NALCN: variants seen among roughly 807,000 people sequenced by gnomAD.
NALCN encodes the protein sodium leak channel, non-selective, also known as sodium leak channel NALCN.
Under a neutral mutation model 225.3 loss-of-function variants are expected in NALCN, and 111 were observed. The ratio of observed to expected loss-of-function variants is 0.49; its 90% confidence interval spans 0.42 to 0.58. The LOEUF (loss-of-function observed/expected upper bound fraction) is 0.58. Ranked by LOEUF, NALCN falls within the 20% of genes least tolerant of loss-of-function variation. The probability of loss-of-function intolerance (pLI) is 0.00; values close to 1 mark genes in which losing one functional copy is unlikely to be tolerated. For missense variants in NALCN, 1,378 were observed against 2,202.4 expected (o/e 0.63, Z 7.49); for synonymous variants, 764 against 769.0 (o/e 0.99, Z 0.11).
At position 101,335,314 on chromosome 13, in the gene NALCN, T is replaced by C. The variant is rs181183508; in HGVS notation, c.799+9952A>G. Among the ~76,000 whole-genome samples, 69 of 152,280 alleles carry C rather than the reference T, an allele frequency of 4.5e-4. 1 individual carries two copies. The East Asian group carries it at 0.011, about 25-fold the overall frequency. Reference sequence around the variant, plus strand: ...GAATATCTGGACACCTAATTTCAGTTTAAGTAAGTCTGTGGCCCTATTTGA... The same window carrying C: ...GAATATCTGGACACCTAATTTCAGTCTAAGTAAGTCTGTGGCCCTATTTGA... On this transcript the variant is annotated intron_variant, in intron 7 of 43. Transcript: ENST00000251127.
At chr13:101,306,542 G>A (rs2044159227) in intron 7 of NALCN, among the ~76,000 whole-genome samples, 1 of 152,162 alleles carries the variant, frequency 6.6e-6, no homozygotes, top group Non-Finnish European at 1.5e-5. Flanking sequence ...TCCTGATGCT[G>A]GCTTTGACTT....
intron 14 of NALCN, among the ~76,000 whole-genome samples, chr13:101,187,629 G>T (rs113306624): frequency 4.6e-5 from 7 of 152,276 alleles, no homozygotes; most frequent in African/African-American, 1.7e-4. Flanking sequence ...AGTAAGAGGT[G>T]CTCCCTTATT....
At chr13:101,065,949 T>G (rs623044) in intron 39 of NALCN, among the ~76,000 whole-genome samples, 7,238 of 152,210 alleles carry the variant, frequency 0.048, 548 homozygotes, top group African/African-American at 0.16. Flanking sequence ...TCACACAAGG[T>G]AATGGACAAG....
At chr13:101,285,577 T>C (rs1341310267) in intron 9 of NALCN, among the ~76,000 whole-genome samples, 1 of 152,186 alleles carries the variant, frequency 6.6e-6, no homozygotes, top group Non-Finnish European at 1.5e-5. Flanking sequence ...TATGTATTTT[T>C]AAATGACAAA....
chr13:101,243,566 C>T (rs540696350), intron 11 of NALCN, among the ~76,000 whole-genome samples: 1 of 104,774 alleles, frequency 9.5e-6, no homozygotes, highest in Admixed American at 9.1e-5. Flanking sequence ...ATGTAATTGT[C>T]GTTTGTCTTT....
At chr13:101,300,538 C>T (rs574215880) in intron 7 of NALCN, among the ~76,000 whole-genome samples, 9 of 152,138 alleles carry the variant, frequency 5.9e-5, no homozygotes, top group Non-Finnish European at 1.0e-4. Context: ...GCAGCCTTCA[C>T]CTCCTGGGTT....
At chr13:101,070,228 G>A (rs979135046) in intron 37 of NALCN, among the ~76,000 whole-genome samples, 2 of 151,992 alleles carry the variant, frequency 1.3e-5, no homozygotes, top group Non-Finnish European at 2.9e-5. Flanking sequence ...CACCATGCCC[G>A]GCTAATTTTT....
chr13:101,252,832 C>T (rs954555029), intron 11 of NALCN, among the ~76,000 whole-genome samples: 3 of 152,006 alleles, frequency 2.0e-5, no homozygotes, highest in East Asian at 1.9e-4. Context: ...TCTGTAGGTC[C>T]GTTGCCTTCC....
At chr13:101,181,340 G>T (rs986937909) in intron 14 of NALCN, 7 of 518,618 alleles carry the variant, frequency 1.3e-5, no homozygotes, top group African/African-American at 1.3e-4. Context: ...GAGGGAGGCT[G>T]GAATAATCAC....
chr13:101,318,976 A>G (rs2044651879), intron 7 of NALCN, among the ~76,000 whole-genome samples: 1 of 152,110 alleles, frequency 6.6e-6, no homozygotes, highest in Non-Finnish European at 1.5e-5. Context: ...ATAAACACCC[A>G]CCTGTGGGTA....
Position 101,095,665 on chromosome 13 carries a change from T to C in NALCN, c.3178A>G (p.Ile1060Val), listed in dbSNP as rs755977197. 2.5e-6 allele frequency: 4 copies of C among 1,612,292 alleles called. No individual in the cohort carries two copies. The African/African-American group carries it at 4.0e-5, about 16-fold the overall frequency. Reference protein sequence around the residue: ...NIIRREDCNGIFRINVSVSKN... With the variant: ...NIIRREDCNGVFRINVSVSKN... ...GACACACTGACATTAATTCTGAATA[T>C]GCCATTGCAATCTTCCTAAAGTAGA... is the stretch of plus-strand genomic sequence containing the variant. The change falls in exon 28 of 44, where the codon ATA becomes GTA. Residue 1060 changes from isoleucine to valine, a missense_variant. By Grantham distance (29) the Ile-to-Val change is conservative. Coordinates refer to ENST00000251127, the MANE Select transcript of NALCN (RefSeq NM_052867.4).
At chr13:101,102,282 CA>C (rs113536153) in intron 26 of NALCN, among the ~76,000 whole-genome samples, 4 of 147,128 alleles carry the variant, frequency 2.7e-5, no homozygotes, top group African/African-American at 7.5e-5. Context: ...GATTCTGTCT[CA>C]AAAAAAAAGA....
At chr13:101,388,508 A>G (rs992524136) in intron 3 of NALCN, among the ~76,000 whole-genome samples, 1 of 152,224 alleles carries the variant, frequency 6.6e-6, no homozygotes, top group Admixed American at 6.5e-5. Flanking sequence ...GCTAATTTAC[A>G]GCATTTTGAA....
chr13:101,404,134 C>T (rs529739336), intron 1 of NALCN, among the ~76,000 whole-genome samples: 1 of 152,286 alleles, frequency 6.6e-6, no homozygotes, highest in African/African-American at 2.4e-5. Flanking sequence ...AAAAGAGAGC[C>T]TCTAGTGTGG....
At chr13:101,182,796 G>A (rs1014708346) in intron 14 of NALCN, among the ~76,000 whole-genome samples, 2 of 152,196 alleles carry the variant, frequency 1.3e-5, no homozygotes, top group Admixed American at 1.3e-4. Flanking sequence ...GAGGTGCAGG[G>A]TGAGTCTGTA....
chr13:101,359,737 A>C (rs2046172463), intron 6 of NALCN, among the ~76,000 whole-genome samples: 1 of 152,216 alleles, frequency 6.6e-6, no homozygotes, highest in Admixed American at 6.5e-5. Context: ...ACAAGCCAGA[A>C]AAACTAGAAA....
chr13:101,085,524 T>A (rs2033887139), intron 30 of NALCN, among the ~76,000 whole-genome samples: 1 of 152,140 alleles, frequency 6.6e-6, no homozygotes, highest in African/African-American at 2.4e-5. Context: ...AATTGTTTAT[T>A]TTTAAATACC....
At chr13:101,155,471 A>T (rs529815831) in intron 15 of NALCN, among the ~76,000 whole-genome samples, 16 of 152,240 alleles carry the variant, frequency 1.1e-4, no homozygotes, top group Middle Eastern at 6.8e-3. Flanking sequence ...GGGTTGTCTG[A>T]TCTTTTCTCA....
chr13:101,298,462 C>T (rs1237276159), intron 7 of NALCN, among the ~76,000 whole-genome samples: 1 of 152,070 alleles, frequency 6.6e-6, no homozygotes, highest in East Asian at 1.9e-4. Flanking sequence ...GCTGGGACTA[C>T]AGGCACATGC....
Sources: gnomAD v4.1 joint callset for allele counts (sites outside exome capture counted in the v4.1 genomes callset) on GRCh38, gnomAD v4.1.1 for gene constraint, MANE v1.5 for transcripts, NCBI Gene and HGNC (gene_info 2026-07-23, HGNC 2026-07-21) for gene names.